The following SLC44A5 variants were observed in gnomAD, a reference collection of about 807,000 sequenced individuals.
SLC44A5 encodes the protein choline transporter-like protein 5.
Under a neutral mutation model 101.8 loss-of-function variants are expected in SLC44A5, and 57 were observed. The ratio of observed to expected loss-of-function variants is 0.56; its 90% CI spans 0.45 to 0.70. The LOEUF (loss-of-function observed/expected upper bound fraction) is 0.70, where lower values mean the gene tolerates loss of function less well. SLC44A5 is among the 30% of genes least tolerant of loss of function. The probability of loss-of-function intolerance (pLI) is 0.00; values close to 1 mark genes in which losing one functional copy is unlikely to be tolerated. For synonymous variants in SLC44A5, 281 were observed against 290.9 expected (o/e 0.97, Z 0.35); for missense variants, 737 against 853.1 (o/e 0.86, Z 1.70).
intron 1 of SLC44A5, among the ~76,000 whole-genome samples, chr1:75,568,974 T>TA (rs1349417876): frequency 1.3e-5 from 2 of 152,208 alleles, no homozygotes; most frequent in African/African-American, 4.8e-5. Context: ...TGTATGTACT[T>TA]ACACTTGCTT....
At chr1:75,472,070 A>G (rs567004606) in intron 2 of SLC44A5, among the ~76,000 whole-genome samples, 100 of 114,902 alleles carry the variant, frequency 8.7e-4, no homozygotes, top group Admixed American at 2.1e-3. Context: ...GGCAGAGCAT[A>G]TCCCCCTGGG....
At chr1:75,572,925 C>A (rs895268981) in intron 1 of SLC44A5, among the ~76,000 whole-genome samples, 1 of 151,766 alleles carries the variant, frequency 6.6e-6, no homozygotes, top group Non-Finnish European at 1.5e-5. Context: ...GAGTTTGAGA[C>A]CAGCCTGGCT....
At chr1:75,315,388 A>G (rs1231599340) in intron 4 of SLC44A5, among the ~76,000 whole-genome samples, 2 of 152,144 alleles carry the variant, frequency 1.3e-5, no homozygotes, top group Non-Finnish European at 2.9e-5. Context: ...ATATTGGTTA[A>G]TTTTACTAGG....
chr1:75,527,270 TA>T (rs1327946060), intron 2 of SLC44A5, among the ~76,000 whole-genome samples: 1 of 125,350 alleles, frequency 8.0e-6, no homozygotes, highest in Admixed American at 8.8e-5. Flanking sequence ...GAGAGAAAGT[TA>T]GAAAGGGAGA....
rs181047169 is a variant in SLC44A5 at position 75,491,855 on chromosome 1, A to G, written c.13+49580T>C. ...CTAAAGAAAGGTTATTTTGTCTTAGAAAGAGGGACTTGATTTTAAAACATT... is the reference window on the plus strand; with the variant it reads ...CTAAAGAAAGGTTATTTTGTCTTAGGAAGAGGGACTTGATTTTAAAACATT... On this transcript the variant is annotated intron_variant, in intron 2 of 23. Transcript: ENST00000370859. Among the ~76,000 whole-genome samples the G allele has an allele frequency of 3.9e-4, 60 of 152,330 alleles. 1 individual carries two copies. Among genetic ancestry groups the G allele is most frequent in the African/African-American group, 1.4e-3 (60 of 41,584 alleles).
intron 4 of SLC44A5, among the ~76,000 whole-genome samples, chr1:75,313,247 G>A (rs1318389293): frequency 6.6e-6 from 1 of 152,138 alleles, no homozygotes; most frequent in Non-Finnish European, 1.5e-5. Context: ...TGCCTCATGG[G>A]TTGAAATGGA....
chr1:75,476,772 C>G (rs1667435666), intron 2 of SLC44A5, among the ~76,000 whole-genome samples: 1 of 152,240 alleles, frequency 6.6e-6, no homozygotes, highest in Admixed American at 6.5e-5. Flanking sequence ...GTGGAGCCCA[C>G]CACAGCTCAA....
chr1:75,520,508 G>T (rs980980600), intron 2 of SLC44A5, among the ~76,000 whole-genome samples: 1 of 151,978 alleles, frequency 6.6e-6, no homozygotes, highest in African/African-American at 2.4e-5. Flanking sequence ...ATGAACAGAA[G>T]GATGGACAGA....
chr1:75,679,281 G>A, the SLC44A5 span, among the ~76,000 whole-genome samples: 2 of 152,068 alleles, frequency 1.3e-5, no homozygotes, highest in African/African-American at 4.8e-5. Flanking sequence ...GATACTCCTC[G>A]AGAAGAGCAA....
intron 1 of SLC44A5, among the ~76,000 whole-genome samples, chr1:75,560,230 A>G (rs943789690): frequency 5.9e-5 from 9 of 152,204 alleles, no homozygotes; most frequent in Non-Finnish European, 2.9e-5. Context: ...AACTTGTACA[A>G]ATATGTTTGT....
intron 1 of SLC44A5, among the ~76,000 whole-genome samples, chr1:75,604,108 G>T (rs1570724796): frequency 6.6e-6 from 1 of 151,964 alleles, no homozygotes; most frequent in East Asian, 1.9e-4. Flanking sequence ...CCAGAATGGT[G>T]TTTCCTATGT....
the SLC44A5 span, among the ~76,000 whole-genome samples, chr1:75,646,112 T>C: frequency 2.2e-5 from 3 of 135,152 alleles, no homozygotes; most frequent in African/African-American, 7.5e-5. Context: ...CTTGGCAATA[T>C]GGGCTCTTTT....
chr1:75,253,551 C>G (rs1245306057), intron 6 of SLC44A5, among the ~76,000 whole-genome samples: 1 of 152,186 alleles, frequency 6.6e-6, no homozygotes, highest in Non-Finnish European at 1.5e-5. Flanking sequence ...TCTACAAGTG[C>G]TAACTTGGCT....
At chr1:75,577,133 C>A (rs898924718) in intron 1 of SLC44A5, among the ~76,000 whole-genome samples, 1 of 152,192 alleles carries the variant, frequency 6.6e-6, no homozygotes, top group Admixed American at 6.5e-5. Flanking sequence ...TTCAAAACTT[C>A]TCTCCACACT....
the SLC44A5 span, among the ~76,000 whole-genome samples, chr1:75,709,180 A>C: frequency 5.1e-4 from 78 of 152,296 alleles, no homozygotes; most frequent in African/African-American, 1.9e-3. Context: ...CCTATAACCA[A>C]ATATACACGG....
chr1:75,448,220 C>T (rs61798714), intron 2 of SLC44A5, among the ~76,000 whole-genome samples: 25,803 of 152,156 alleles, frequency 0.17, 2,956 homozygotes, highest in Non-Finnish European at 0.25. Context: ...TGGGGAGGCT[C>T]TGCTCCACAA....
At chr1:75,319,981 G>A (rs533874519) in intron 4 of SLC44A5, among the ~76,000 whole-genome samples, 3 of 152,068 alleles carry the variant, frequency 2.0e-5, no homozygotes, top group Non-Finnish European at 2.9e-5. Flanking sequence ...TACTTCCCCA[G>A]TCTCCTACTC....
At chr1:75,279,268 T>A (rs552959114) in intron 5 of SLC44A5, among the ~76,000 whole-genome samples, 1 of 152,108 alleles carries the variant, frequency 6.6e-6, no homozygotes, top group South Asian at 2.1e-4. Context: ...TCCACTTTTT[T>A]AAGTTTTTGT....
chr1:75,427,739 G>A, intron 2 of SLC44A5, among the ~76,000 whole-genome samples: 1 of 152,156 alleles, frequency 6.6e-6, no homozygotes, highest in East Asian at 1.9e-4. Context: ...TAATAAAAAT[G>A]TCGTTGTGAG....
Sources: allele counts gnomAD v4.1 joint callset (sites outside exome capture counted in the v4.1 genomes callset), GRCh38; gene constraint gnomAD v4.1.1; transcripts MANE v1.5; gene names NCBI Gene and HGNC (gene_info 2026-07-23, HGNC 2026-07-21).